The following LTN1 variants were observed in gnomAD, a reference collection of about 807,000 sequenced individuals.
LTN1 encodes the protein E3 ubiquitin-protein ligase listerin.
Under a neutral mutation model 201.2 loss-of-function variants are expected in LTN1, and 88 were observed. The observed-to-expected ratio is 0.44, with a 90% CI of 0.37 to 0.52. The LOEUF (loss-of-function observed/expected upper bound fraction) is 0.52, where lower values mean the gene tolerates loss of function less well. Ranked by LOEUF, LTN1 falls within the 20% of genes least tolerant of loss-of-function variation. LTN1 has a pLI of 0.00. For synonymous variants in LTN1, 645 were observed against 713.5 expected, an observed-to-expected ratio of 0.90 and a Z score of 1.53; for missense variants, 1,752 against 2,038.7, an observed-to-expected ratio of 0.86 and a Z score of 2.71.
At chr21:28,935,734 G>A (rs976760807) in intron 26 of LTN1, among the ~76,000 whole-genome samples, 3 of 151,848 alleles carry the variant, frequency 2.0e-5, no homozygotes, top group African/African-American at 7.3e-5. Flanking sequence ...CAGCTACTCC[G>A]GAGGCTGAGG....
chr21:28,963,015 C>T (rs1008808486), intron 11 of LTN1, among the ~76,000 whole-genome samples: 1 of 152,146 alleles, frequency 6.6e-6, no homozygotes, highest in Non-Finnish European at 1.5e-5. Flanking sequence ...GGAAGCTGCA[C>T]AAGAAAAGAC....
Position 28,979,833 on chromosome 21 carries a change from G to A in LTN1, c.810+1286C>T, listed in dbSNP as rs190897722. Reference sequence around the variant, plus strand: ...AAAAATATTTAAAAATCAGCCGGGCGTGCTGGTGGGCACCTGTAATCCCAG... The same window carrying A: ...AAAAATATTTAAAAATCAGCCGGGCATGCTGGTGGGCACCTGTAATCCCAG... On this transcript the variant is annotated intron_variant, in intron 6 of 29. Coordinates refer to ENST00000361371, the MANE Select transcript of LTN1 (RefSeq NM_015565.3). Among the ~76,000 whole-genome samples the A allele has an allele frequency of 8.5e-5, 13 of 152,100 alleles. No individual in the cohort carries two copies. The East Asian group carries it at 1.2e-3, about 14-fold the overall frequency.
At chr21:28,946,712 A>G (rs1017999800) in intron 19 of LTN1, among the ~76,000 whole-genome samples, 2 of 152,216 alleles carry the variant, frequency 1.3e-5, no homozygotes, top group African/African-American at 2.4e-5. Context: ...AGCAGCTAGT[A>G]CATGTGGTAA....
rs1227430885 is a variant in LTN1 at position 28,969,455 on chromosome 21, A to G, written c.1311+11T>C. ...ATGCAAAGAGACTGACGACTTTTAC[A>G]TTATAGATACCTGATCATTGACGAG... On this transcript the variant is annotated intron_variant, in intron 9 of 29. Coordinates refer to ENST00000361371, the MANE Select transcript of LTN1 (RefSeq NM_015565.3). 2 of 1,601,784 alleles carry G rather than the reference A, an allele frequency of 1.2e-6. No individual in the cohort carries two copies. The highest frequency in any genetic ancestry group is 1.7e-6 in the Non-Finnish European group (2 of 1,176,530).
At position 28,971,219 on chromosome 21, in the gene LTN1, C is replaced by A. The variant is rs956461470; in HGVS notation, c.984+52G>T. Reference sequence around the variant, plus strand: ...ATTTTCCCAGTAAGTTTTGGATATTCTTATCTCATAGGTTCATTCCTCAGT... The same window carrying A: ...ATTTTCCCAGTAAGTTTTGGATATTATTATCTCATAGGTTCATTCCTCAGT... On this transcript the variant is annotated intron_variant, in intron 7 of 29. Transcript: ENST00000361371. 3.6e-6 allele frequency: 5 copies of A among 1,395,670 alleles called. No individual in the cohort carries two copies. The African/African-American group carries it at 7.3e-5, about 20-fold the overall frequency. The allele number at this position is 1,395,670 out of a possible 1,614,324, so 86.5% of individuals were successfully genotyped here. A position where few individuals can be genotyped will look rare whatever the true frequency, so the allele number is the denominator to read the frequency against.
chr21:28,970,022 G>A (rs1395406493), intron 8 of LTN1, among the ~76,000 whole-genome samples: 1 of 151,814 alleles, frequency 6.6e-6, no homozygotes, highest in African/African-American at 2.4e-5. Context: ...CTGCAAATTC[G>A]AGATAACTTA....
intron 15 of LTN1, 87 bp downstream of exon 15, chr21:28,957,245 G>T: frequency 7.8e-7 from 1 of 1,288,128 alleles, no homozygotes; most frequent in Non-Finnish European, 1.1e-6. Flanking sequence ...TTTTATTTAT[G>T]TTTTTCTTCC....
intron 1 of LTN1, among the ~76,000 whole-genome samples, chr21:28,991,154 A>AT (rs1232143496): frequency 1.3e-5 from 2 of 151,630 alleles, no homozygotes; most frequent in African/African-American, 4.8e-5. Flanking sequence ...AAAAAAAAAA[A>AT]GATTAGCCAG....
In LTN1 at chr21:28,932,593, T is replaced by A; in HGVS notation, c.4947A>T (p.Ile1649=). The stretch of plus-strand genomic sequence containing the variant: ...GTGGATAATTTGAAGGCAGTTGTAT[T>A]ATAAGTTCAATAACTATGTCCTCAA... The part of the protein sequence containing the change: ...YTIEDIVIEL[I]IQLPSNYPLG... Residue 1649 remains isoleucine (I), a synonymous_variant, in exon 28 of 30, where the codon ATA becomes ATT. Transcript: ENST00000361371. The A allele has an allele frequency of 2.0e-5, 33 of 1,613,776 alleles. No homozygotes were observed. The highest frequency in any genetic ancestry group is 2.8e-5 in the Non-Finnish European group (33 of 1,179,654).
intron 14 of LTN1, 117 bp downstream of exon 14, chr21:28,958,269 A>T (rs1214019202): frequency 9.6e-6 from 9 of 940,530 alleles, no homozygotes; most frequent in East Asian, 5.6e-5. Context: ...AGCTGGGATT[A>T]TAGGGACGAG....
At chr21:28,983,876 T>C (rs1459743988) in intron 4 of LTN1, among the ~76,000 whole-genome samples, 1 of 152,230 alleles carries the variant, frequency 6.6e-6, no homozygotes, top group Non-Finnish European at 1.5e-5. Context: ...CTAACAACTT[T>C]GTTGTCTGGT....
chr21:28,991,865 A>G (rs2084749003), intron 1 of LTN1, among the ~76,000 whole-genome samples: 1 of 152,204 alleles, frequency 6.6e-6, no homozygotes, highest in Non-Finnish European at 1.5e-5. Context: ...GGACTGTGCT[A>G]TAATAAATCT....
chr21:28,943,052 C>T (rs761884825), intron 24 of LTN1, among the ~76,000 whole-genome samples: 4 of 152,078 alleles, frequency 2.6e-5, no homozygotes, highest in African/African-American at 4.8e-5. Flanking sequence ...CAGTAGCAAA[C>T]GGAAAATGTG....
intron 16 of LTN1, among the ~76,000 whole-genome samples, chr21:28,955,061 T>A (rs1410857608): frequency 2.0e-5 from 3 of 151,790 alleles, no homozygotes; most frequent in Admixed American, 6.6e-5. Context: ...AAGGAATATA[T>A]AAGGAACTCA....
chr21:28,943,934 G>T, intron 22 of LTN1, 30 bp from the exon 23 acceptor site: 1 of 1,372,682 alleles, frequency 7.3e-7, no homozygotes, highest in Admixed American at 1.7e-5. Flanking sequence ...AAACATGCAC[G>T]TCTCAAAAGA....
intron 19 of LTN1, 54 bp downstream of exon 19, chr21:28,947,410 C>A (rs911644201): frequency 5.8e-6 from 8 of 1,380,250 alleles, no homozygotes; most frequent in Non-Finnish European, 7.7e-6. Context: ...AGAAACAGTT[C>A]TTCATCTCAA....
rs150223523 is a variant in LTN1 at position 28,986,890 on chromosome 21, C to T, written c.87G>A (p.Gln29=). 12 of 1,614,034 alleles carry T rather than the reference C, an allele frequency of 7.4e-6. No homozygotes were observed. The Admixed American group carries it at 8.3e-5, about 11-fold the overall frequency. The change falls in exon 2 of 30, where the codon CAG becomes CAA. Residue 29 remains glutamine (Q), a synonymous_variant. Coordinates refer to ENST00000361371, the MANE Select transcript of LTN1 (RefSeq NM_015565.3). This position sits in a 1 kb window ranked among gnomAD's most constrained non-coding sequence, Gnocchi z 4.1. ...AACCAATAAATCCAGGCACTGTTCC[C>T]TGTTCTTTGGCAAGGAGTTCTGCAG... ...GRAAELLAKE[Q]GTVPGFIGFG...
At position 28,966,566 on chromosome 21, in the gene LTN1, A is replaced by G; in HGVS notation, c.1925T>C (p.Val642Ala). ...GGCTATTTCAAGAGGTTTGGCTTGG[A>G]CAATACTCTGTTTTTCATCACCAAG... is the stretch of plus-strand genomic sequence containing the variant. Reference protein sequence around the residue: ...MLLGDEKQSIVQAKPLEIAKL... With the variant: ...MLLGDEKQSIAQAKPLEIAKL... Residue 642 changes from valine (V) to alanine (A), a missense_variant, in exon 10 of 30, where the codon GTC becomes GCC. Physicochemically the swap from Val to Ala is moderately conservative, Grantham distance 64. Around this residue, in one of 3 missense-constraint regions of LTN1, gnomAD observed 1,211 missense variants for 1,312.8 expected, o/e 0.92. Coordinates refer to ENST00000361371, the MANE Select transcript of LTN1 (RefSeq NM_015565.3). The G allele has an allele frequency of 1.2e-6, 2 of 1,614,134 alleles. No individual in the cohort carries two copies. The highest frequency in any genetic ancestry group is 1.7e-6 in the Non-Finnish European group (2 of 1,180,024).
chr21:28,955,293 C>T (rs1377539965), intron 16 of LTN1, among the ~76,000 whole-genome samples: 1 of 151,696 alleles, frequency 6.6e-6, no homozygotes, highest in Non-Finnish European at 1.5e-5. Context: ...TAGTAACACC[C>T]CATCTCTAAA....
Sources: allele counts gnomAD v4.1 joint callset (sites outside exome capture counted in the v4.1 genomes callset), GRCh38; gene constraint gnomAD v4.1.1; regional missense constraint gnomAD v4.1.1; non-coding constraint Gnocchi (gnomAD v3.1); transcripts MANE v1.5; gene names NCBI Gene and HGNC (gene_info 2026-07-23, HGNC 2026-07-21).